The following CTNNA3 variants were observed in gnomAD, a reference collection of about 807,000 sequenced individuals.
The protein encoded by CTNNA3 is catenin alpha 3, also known as catenin alpha-3.
Under a neutral mutation model 95.7 loss-of-function variants are expected in CTNNA3, and 76 were observed. The observed-to-expected ratio is 0.79, with a 90% CI of 0.66 to 0.96. The LOEUF (loss-of-function observed/expected upper bound fraction) is 0.96, where lower values mean the gene tolerates loss of function less well. Among genes scored for constraint, CTNNA3 ranks in the 40% least tolerant of loss-of-function variants. The probability of loss-of-function intolerance (pLI) is 0.00; values close to 1 mark genes in which losing one functional copy is unlikely to be tolerated. For missense variants in CTNNA3, 1,191 were observed against 1,089.8 expected, an observed-to-expected ratio of 1.09 and a Z score of -1.31; for synonymous variants, 431 against 374.4, an observed-to-expected ratio of 1.15 and a Z score of -1.74.
At chr10:66,245,745 T>C (rs1331052177) in intron 13 of CTNNA3, among the ~76,000 whole-genome samples, 2 of 152,122 alleles carry the variant, frequency 1.3e-5, no homozygotes, top group Non-Finnish European at 2.9e-5. Flanking sequence ...CTACAGCTGA[T>C]AGTCCTGACT....
intron 1 of CTNNA3, among the ~76,000 whole-genome samples, chr10:67,671,166 T>C (rs1394418312): frequency 1.3e-5 from 2 of 152,152 alleles, no homozygotes; most frequent in African/African-American, 4.8e-5. Flanking sequence ...TTCTGGCCAA[T>C]GAGACGGTAA....
At chr10:67,581,792 G>C (rs1199832043) in intron 3 of CTNNA3, among the ~76,000 whole-genome samples, 1 of 152,134 alleles carries the variant, frequency 6.6e-6, no homozygotes, top group Non-Finnish European at 1.5e-5. Flanking sequence ...TCTTGGGAAG[G>C]TGTATGTGTC....
intron 5 of CTNNA3, among the ~76,000 whole-genome samples, chr10:67,361,305 C>T (rs575020653): frequency 1.1e-4 from 17 of 152,272 alleles, no homozygotes; most frequent in South Asian, 8.3e-4. Context: ...ATACTCCACT[C>T]ATCAACCACA....
intron 3 of CTNNA3, among the ~76,000 whole-genome samples, chr10:67,579,254 C>A (rs1842290577): frequency 7.4e-6 from 1 of 135,370 alleles, no homozygotes; most frequent in South Asian, 2.6e-4. Flanking sequence ...CACCCTGTGT[C>A]CAAGTGTTCT....
chr10:67,116,070 T>C (rs1478633040), intron 7 of CTNNA3, among the ~76,000 whole-genome samples: 2 of 152,034 alleles, frequency 1.3e-5, no homozygotes, highest in Non-Finnish European at 2.9e-5. Flanking sequence ...CAGATCCAAC[T>C]AGATGAGTCA....
chr10:66,224,479 C>T (rs113244881), intron 13 of CTNNA3, among the ~76,000 whole-genome samples: 1 of 152,080 alleles, frequency 6.6e-6, no homozygotes, highest in African/African-American at 2.4e-5. Context: ...ATGGTAACAA[C>T]GTGAAATACA....
At chr10:67,403,889 C>G (rs1845026788) in intron 5 of CTNNA3, among the ~76,000 whole-genome samples, 1 of 152,206 alleles carries the variant, frequency 6.6e-6, no homozygotes, top group African/African-American at 2.4e-5. Flanking sequence ...GTTTTGCAGC[C>G]TTCACCGGTA....
rs540569116 is a variant in CTNNA3, at chr10:67,438,372, T to C, written c.579+83470A>G. On this transcript the variant is annotated intron_variant, in intron 5 of 17. Coordinates refer to ENST00000433211, the MANE Select transcript of CTNNA3 (RefSeq NM_013266.4). ...ACACACAGCAGGCTCTCTCTAAACA[T>C]CTGCTCCGTGAAGGCAGTACATAGA... is the stretch of plus-strand genomic sequence containing the variant. Among the ~76,000 whole-genome samples the C allele has an allele frequency of 3.3e-5, 5 of 152,286 alleles. No individual in the cohort carries two copies. In the South Asian group the frequency reaches 8.3e-4, roughly 25 times the overall value.
chr10:67,027,927 A>G (rs955007635), intron 7 of CTNNA3, among the ~76,000 whole-genome samples: 1 of 152,276 alleles, frequency 6.6e-6, no homozygotes, highest in African/African-American at 2.4e-5. Context: ...ATATTTGTAT[A>G]GTACTTTTTT....
At chr10:65,965,183 T>C (rs2077931175) in intron 17 of CTNNA3, among the ~76,000 whole-genome samples, 3 of 152,172 alleles carry the variant, frequency 2.0e-5, no homozygotes. Context: ...GTTTTTCACT[T>C]TCATCACAAA....
At position 66,169,372 on chromosome 10, in the gene CTNNA3, G is replaced by A. The variant is rs183216268; in HGVS notation, c.1885-66123C>T. ...TGCCATTAATTCATTCCTTTTTATG[G>A]CTGAGTAGTATTCCATTGTATATAA... On this transcript the variant is annotated intron_variant, in intron 13 of 17. Coordinates refer to ENST00000433211, the MANE Select transcript of CTNNA3 (RefSeq NM_013266.4). Among the ~76,000 whole-genome samples the A allele has an allele frequency of 5.3e-3, 799 of 152,190 alleles. 7 individuals are homozygous for A. The highest frequency in any genetic ancestry group is 8.4e-3 in the Non-Finnish European group (569 of 67,994).
intron 4 of CTNNA3, among the ~76,000 whole-genome samples, chr10:67,525,158 GTT>G (rs11367001): frequency 1.6e-4 from 23 of 147,938 alleles, no homozygotes; most frequent in African/African-American, 4.4e-4. Flanking sequence ...TTTATCCTGT[GTT>G]TTTTTTTTTA....
At chr10:66,158,929 G>T (rs1245207520) in intron 13 of CTNNA3, among the ~76,000 whole-genome samples, 1 of 151,920 alleles carries the variant, frequency 6.6e-6, no homozygotes, top group Non-Finnish European at 1.5e-5. Flanking sequence ...TACTGTAAAA[G>T]GGGTTGAGTT....
intron 11 of CTNNA3, among the ~76,000 whole-genome samples, chr10:66,419,904 C>T (rs1352999874): frequency 6.6e-6 from 1 of 152,086 alleles, no homozygotes; most frequent in Non-Finnish European, 1.5e-5. Context: ...GGATTAAATA[C>T]TCAAGTGTAA....
At chr10:66,322,429 G>A (rs1218541478) in intron 12 of CTNNA3, among the ~76,000 whole-genome samples, 1 of 152,046 alleles carries the variant, frequency 6.6e-6, no homozygotes, top group Non-Finnish European at 1.5e-5. Context: ...AGCAGGGCAT[G>A]CCAATCATAC....
intron 9 of CTNNA3, among the ~76,000 whole-genome samples, chr10:66,754,506 T>C (rs1412339670): frequency 1.3e-5 from 2 of 151,810 alleles, no homozygotes; most frequent in African/African-American, 4.8e-5. Flanking sequence ...AAGAAAAAAA[T>C]AGATAAGCTG....
chr10:67,185,074 G>A (rs552172720), intron 6 of CTNNA3, among the ~76,000 whole-genome samples: 1 of 152,048 alleles, frequency 6.6e-6, no homozygotes, highest in East Asian at 1.9e-4. Context: ...TATCTTAAAA[G>A]CATGCAGGAG....
chr10:66,157,759 T>A (rs1413543343), intron 13 of CTNNA3, among the ~76,000 whole-genome samples: 1 of 152,096 alleles, frequency 6.6e-6, no homozygotes, highest in Non-Finnish European at 1.5e-5. Context: ...TTTTCCATAG[T>A]GGCTGCATGA....
At chr10:65,981,098 A>G (rs970594548) in intron 16 of CTNNA3, among the ~76,000 whole-genome samples, 6 of 152,040 alleles carry the variant, frequency 3.9e-5, no homozygotes, top group Admixed American at 6.6e-5. Context: ...AAAACCCTAA[A>G]GACTCATCCA....
Sources: allele counts gnomAD v4.1 joint callset (sites outside exome capture counted in the v4.1 genomes callset), GRCh38; gene constraint gnomAD v4.1.1; transcripts MANE v1.5; gene names NCBI Gene and HGNC (gene_info 2026-07-23, HGNC 2026-07-21).